Variants in KDM4C observed in about 807,000 individuals in gnomAD.
KDM4C encodes lysine-specific demethylase 4C.
Under a neutral mutation model 129.3 loss-of-function variants are expected in KDM4C, and 81 were observed. The ratio of observed to expected loss-of-function variants is 0.63; its 90% CI spans 0.52 to 0.75. KDM4C has a LOEUF of 0.75. KDM4C is among the 30% of genes least tolerant of loss of function. The pLI is 0.00. For missense variants in KDM4C, 1,457 were observed against 1,304.0 expected, an observed-to-expected ratio of 1.12 and a Z score of -1.81; for synonymous variants, 573 against 456.1, an observed-to-expected ratio of 1.26 and a Z score of -3.26.
chr9:6,746,801 G>A (rs1207609881), intron 1 of KDM4C, among the ~76,000 whole-genome samples: 1 of 149,678 alleles, frequency 6.7e-6, no homozygotes, highest in Non-Finnish European at 1.5e-5. Flanking sequence ...GAGGTCAGGA[G>A]ATCGAGACCA....
upstream of KDM4C, among the ~76,000 whole-genome samples, chr9:6,755,413 T>C (rs1818209544): frequency 6.6e-6 from 1 of 151,418 alleles, no homozygotes; most frequent in Non-Finnish European, 1.5e-5. Flanking sequence ...TTATGGCACA[T>C]GCCTGTAATG....
At chr9:6,745,207 C>T (rs1817835701) in intron 1 of KDM4C, among the ~76,000 whole-genome samples, 2 of 152,250 alleles carry the variant, frequency 1.3e-5, no homozygotes, top group South Asian at 4.1e-4. Flanking sequence ...AATGTTCCCT[C>T]CAATCTACAG....
At chr9:6,720,987 A>C (rs925323608) in exon 1 of KDM4C, 1 of 1,551,632 alleles carries the variant, frequency 6.4e-7, no homozygotes, top group Non-Finnish European at 8.7e-7. Flanking sequence ...GGACTGAAGA[A>C]GCAGCTGCAG....
rs116824474 is a variant in KDM4C at position 6,976,719 on chromosome 9, A to G, written c.922-4206A>G. 3.2e-3 allele frequency among the ~76,000 whole-genome samples: 493 copies of G among 152,322 alleles called. 4 individuals carry two copies. The highest frequency in any genetic ancestry group is 0.01 in the African/African-American group (435 of 41,558). On this transcript the variant is annotated intron_variant, in intron 8 of 21. Transcript: ENST00000381309. ...TAACATTTTTGGGAAAGGAGAGGCT[A>G]GAGTTTGATTTAAAAATTTAGGGTG...
chr9:6,871,369 A>G (rs1842803000), intron 5 of KDM4C, among the ~76,000 whole-genome samples: 1 of 152,188 alleles, frequency 6.6e-6, no homozygotes, highest in Non-Finnish European at 1.5e-5. Flanking sequence ...AATCACCTGA[A>G]GATATGTTTA....
chr9:7,150,238 T>TA (rs1414835453), intron 19 of KDM4C, among the ~76,000 whole-genome samples: 1 of 152,214 alleles, frequency 6.6e-6, no homozygotes, highest in Non-Finnish European at 1.5e-5. Flanking sequence ...TTAAGGCCTG[T>TA]ATTATTGCTC....
chr9:7,011,753 G>A lies in KDM4C; in HGVS notation c.1842G>A (p.Ala614=), dbSNP rs1426204745. Residue 614 remains alanine, a synonymous_variant, in exon 13 of 22, where the codon GCG becomes GCA. Coordinates refer to ENST00000381309, the MANE Select transcript of KDM4C (RefSeq NM_015061.6). ...EEEVEETESW[A]KPLIHLWQTK... is the part of the protein sequence containing the mutation. ...AAGTGGAAGAAACAGAGTCTTGGGC[G>A]AAACCTCTCATCCACCTTTGGCAGA... 7 of 1,614,130 alleles carry A rather than the reference G, an allele frequency of 4.3e-6. No homozygotes were observed. The highest frequency in any genetic ancestry group is 2.2e-5 in the East Asian group (1 of 44,880).
intron 2 of KDM4C, among the ~76,000 whole-genome samples, chr9:6,797,700 A>G (rs1029117342): frequency 2.0e-5 from 3 of 152,234 alleles, no homozygotes; most frequent in East Asian, 1.9e-4. Context: ...GCAAATAGCT[A>G]TCTTTGCTCA....
intron 8 of KDM4C, among the ~76,000 whole-genome samples, chr9:6,935,755 C>T (rs1217130118): frequency 6.6e-6 from 1 of 152,052 alleles, no homozygotes; most frequent in African/African-American, 2.4e-5. Flanking sequence ...GAGTATGTTG[C>T]TTTAATGTAT....
intron 12 of KDM4C, among the ~76,000 whole-genome samples, chr9:6,992,113 A>G (rs1015140286): frequency 6.6e-6 from 1 of 152,108 alleles, no homozygotes; most frequent in Non-Finnish European, 1.5e-5. Flanking sequence ...TTAATACTTA[A>G]TGTATAATGC....
chr9:6,922,114 T>C (rs1821630768), intron 8 of KDM4C, among the ~76,000 whole-genome samples: 1 of 152,238 alleles, frequency 6.6e-6, no homozygotes, highest in Non-Finnish European at 1.5e-5. Flanking sequence ...AAATATTTGC[T>C]GCATGAATGA....
chr9:7,028,505 C>G (rs1826176683), intron 15 of KDM4C, among the ~76,000 whole-genome samples: 1 of 151,484 alleles, frequency 6.6e-6, no homozygotes, highest in African/African-American at 2.4e-5. Flanking sequence ...TCTCCTCAAG[C>G]AGAAGGAAGG....
chr9:6,889,250 T>TGTGTGTGGGGGGGGGG (rs1554627898), intron 7 of KDM4C, among the ~76,000 whole-genome samples: 1 of 28,214 alleles, frequency 3.5e-5, no homozygotes, highest in African/African-American at 1.1e-4. Flanking sequence ...TGTGTGTGTG[T>TGTGTGTGGGGGGGGGG]GGGAGGGTGG....
Position 7,165,301 on chromosome 9 carries a change from G to A in KDM4C, c.2845G>A (p.Asp949Asn), listed in dbSNP as rs747465304. ...AGAAGTCGTCCAAGTCAAGTGGCCC[G>A]ATGGCAAACTCTATGGAGCAAAATA... ...EGEVVQVKWP[D>N]GKLYGAKYFG... Residue 949 changes from aspartate (D) to asparagine (N), a missense_variant, in exon 20 of 22, where the codon GAT becomes AAT. By Grantham distance (23) the Asp-to-Asn change is conservative. Transcript: ENST00000381309. 1.2e-5 allele frequency: 20 copies of A among 1,614,002 alleles called. No individual in the cohort carries two copies. The highest frequency in any genetic ancestry group is 3.3e-5 in the Admixed American group (2 of 60,000).
At chr9:6,904,177 T>C (rs1817889012) in intron 8 of KDM4C, among the ~76,000 whole-genome samples, 1 of 151,932 alleles carries the variant, frequency 6.6e-6, no homozygotes. Context: ...AGGCAGAGGT[T>C]GTGGTGAGCT....
At chr9:7,164,721 C>T (rs1248617507) in intron 19 of KDM4C, among the ~76,000 whole-genome samples, 1 of 152,126 alleles carries the variant, frequency 6.6e-6, no homozygotes, top group East Asian at 1.9e-4. Context: ...TTTTAGTCTC[C>T]CATAGCTTCA....
intron 17 of KDM4C, among the ~76,000 whole-genome samples, chr9:7,087,506 T>C (rs977402631): frequency 2.1e-4 from 32 of 152,178 alleles, no homozygotes; most frequent in African/African-American, 7.2e-4. Context: ...AGAGGTTTTT[T>C]AAAACTTAGA....
chr9:7,033,379 C>G (rs1258782102), intron 15 of KDM4C, among the ~76,000 whole-genome samples: 1 of 152,208 alleles, frequency 6.6e-6, no homozygotes, highest in Non-Finnish European at 1.5e-5. Flanking sequence ...ACTCTCCTCT[C>G]TCATTTGAGG....
intron 8 of KDM4C, among the ~76,000 whole-genome samples, chr9:6,932,577 C>G (rs1289784958): frequency 6.6e-6 from 1 of 152,104 alleles, no homozygotes; most frequent in Non-Finnish European, 1.5e-5. Context: ...TAATTTAGTC[C>G]TTACAGCTGT....
Sources: gnomAD v4.1 joint callset for allele counts (sites outside exome capture counted in the v4.1 genomes callset) on GRCh38, gnomAD v4.1.1 for gene constraint, MANE v1.5 for transcripts, NCBI Gene and HGNC (gene_info 2026-07-23, HGNC 2026-07-21) for gene names.